The following COL15A1 variants were observed in gnomAD, a reference collection of about 807,000 sequenced individuals.
COL15A1 encodes the protein collagen type XV alpha 1 chain.
A neutral mutation model predicts 165.9 loss-of-function variants in COL15A1; 111 were observed. The ratio of observed to expected loss-of-function variants is 0.67; its 90% CI spans 0.57 to 0.78. COL15A1 has a LOEUF of 0.78. COL15A1 is among the 30% of genes least tolerant of loss of function. COL15A1 has a pLI of 0.00. For synonymous variants in COL15A1, 659 were observed against 674.8 expected, an observed-to-expected ratio of 0.98 and a Z score of 0.36; for missense variants, 1,745 against 1,789.7, an observed-to-expected ratio of 0.98 and a Z score of 0.45.
chr9:99,037,932 G>A (rs1564075457), intron 21 of COL15A1, among the ~76,000 whole-genome samples: 1 of 152,274 alleles, frequency 6.6e-6, no homozygotes, highest in South Asian at 2.1e-4. Flanking sequence ...GGTGTGTGTA[G>A]AGAATGATGG....
rs551752085 is a variant in COL15A1 at position 99,035,033 on chromosome 9, G to T, written c.2099G>T (p.Gly700Val). The T allele has an allele frequency of 6.2e-7, 1 of 1,613,352 alleles. No individual in the cohort carries two copies. The highest frequency in any genetic ancestry group is 1.1e-5 in the South Asian group (1 of 91,082). The part of the protein sequence containing the change: ...VGEKGDPGNR[G>V]LPGPPGKKGQ... ...CTACAGGGTGACCCTGGCAACAGAGGCTTACCTGGACCCCCGGGGAAAAAG... is the reference window on the plus strand; with the variant it reads ...CTACAGGGTGACCCTGGCAACAGAGTCTTACCTGGACCCCCGGGGAAAAAG... The change falls in exon 18 of 42, where the codon GGC becomes GTC. Residue 700 changes from glycine to valine, a missense_variant. Gly to Val is a moderately radical substitution (Grantham distance 109). Coordinates refer to ENST00000375001, the MANE Select transcript of COL15A1 (RefSeq NM_001855.5).
chr9:99,044,314 G>A (rs1041007950), intron 24 of COL15A1, among the ~76,000 whole-genome samples: 7 of 152,154 alleles, frequency 4.6e-5, no homozygotes, highest in East Asian at 1.9e-4. Context: ...GCCTTAGGAC[G>A]GTAACTCTGA....
rs1465150567 is a variant in COL15A1, at chr9:98,944,164, G to A, written c.14G>A (p.Arg5Lys). Reference sequence around the variant, plus strand: ...TCTCCCTCGGGCACATCTTGCAGGAGGAACAACGGGCAGTGCTGGTGTCTG... The same window carrying A: ...TCTCCCTCGGGCACATCTTGCAGGAAGAACAACGGGCAGTGCTGGTGTCTG... MAPRRNNGQCWCLLM... is the reference protein window; with the variant it reads MAPRKNNGQCWCLLM... The change falls in exon 2 of 42, where the codon AGG becomes AAG. Residue 5 changes from arginine to lysine, a missense_variant and splice_region_variant. Transcript: ENST00000375001. The A allele has an allele frequency of 5.6e-6, 9 of 1,614,118 alleles. No homozygotes were observed. The highest frequency in any genetic ancestry group is 1.1e-5 in the South Asian group (1 of 91,074).
At chr9:98,956,223 T>C (rs1837773247) in intron 2 of COL15A1, among the ~76,000 whole-genome samples, 1 of 152,190 alleles carries the variant, frequency 6.6e-6, no homozygotes, top group Non-Finnish European at 1.5e-5. Flanking sequence ...GGAGAATCTC[T>C]TGAGCCCAAG....
chr9:99,068,501 C>G, intron 40 of COL15A1, 54 bp from the exon 41 acceptor site: 1 of 483,404 alleles, frequency 2.1e-6, no homozygotes. Context: ...AAAAATCTAA[C>G]TCATTTGTAG....
chr9:98,979,202 G>A (rs1398564600), intron 2 of COL15A1, among the ~76,000 whole-genome samples: 1 of 152,174 alleles, frequency 6.6e-6, no homozygotes, highest in South Asian at 2.1e-4. Flanking sequence ...TTTCACATAT[G>A]TAACTTTATC....
intron 15 of COL15A1, 99 bp downstream of exon 15, chr9:99,025,098 C>T (rs982572831): frequency 8.2e-6 from 8 of 974,712 alleles, no homozygotes; most frequent in African/African-American, 3.3e-5. Flanking sequence ...GTCCAAGGTT[C>T]GCGATGGGGA....
chr9:98,980,761 T>G (rs528306840), intron 2 of COL15A1, among the ~76,000 whole-genome samples: 2 of 152,248 alleles, frequency 1.3e-5, no homozygotes, highest in Non-Finnish European at 2.9e-5. Flanking sequence ...AAATTTGCTA[T>G]AAAGAAAAAT....
rs150571834 is a variant in COL15A1, at chr9:99,049,722, C to G, written c.2826C>G (p.Pro942=). 4 of 1,614,020 alleles carry G rather than the reference C, an allele frequency of 2.5e-6. No individual in the cohort carries two copies. The highest frequency in any genetic ancestry group is 3.4e-6 in the Non-Finnish European group (4 of 1,180,044). Residue 942 remains proline, a synonymous_variant, in exon 29 of 42, where the codon CCC becomes CCG. Transcript: ENST00000375001. ...GPPGLPGPPG[P]PGPPGAVINI... is the part of the protein sequence containing the mutation. ...CTGGCTTACCTGGCCCTCCAGGCCCCCCTGGGCCACCTGGAGCTGTGATTA... is the reference window on the plus strand; with the variant it reads ...CTGGCTTACCTGGCCCTCCAGGCCCGCCTGGGCCACCTGGAGCTGTGATTA...
At position 99,056,305 on chromosome 9, in the gene COL15A1, G is replaced by A. The variant is rs1825719417; in HGVS notation, c.3238G>A (p.Ala1080Thr). 6.2e-7 allele frequency: 1 copy of A among 1,614,100 alleles called. No individual in the cohort carries two copies. Among genetic ancestry groups the A allele is most frequent in the Non-Finnish European group, 8.5e-7 (1 of 1,180,016 alleles). ...TVVGPQGPPG[A>T]PGLPGPPGFG... ...CGTTGGGCCCCAAGGACCCCCAGGT[G>A]CTCCTGGTCTGCCTGGGCCACCTGG... Residue 1080 changes from alanine (A) to threonine (T), a missense_variant, in exon 35 of 42, where the codon GCT (alanine) becomes ACT (threonine). Transcript: ENST00000375001.
intron 13 of COL15A1, 52 bp downstream of exon 13, chr9:99,022,202 C>A (rs375608448): frequency 1.2e-6 from 2 of 1,610,226 alleles, no homozygotes; most frequent in South Asian, 1.1e-5. Context: ...ACCAGGGATG[C>A]GGCCAAAACA....
intron 26 of COL15A1, among the ~76,000 whole-genome samples, chr9:99,045,022 G>A (rs953998424): frequency 1.3e-5 from 2 of 152,202 alleles, no homozygotes; most frequent in African/African-American, 4.8e-5. Flanking sequence ...TCTCCTCCAA[G>A]AAGTGACTCA....
In COL15A1 at chr9:98,994,066, C is replaced by A. The variant is rs893424147; in HGVS notation, c.805-2868C>A. On this transcript the variant is annotated intron_variant, in intron 5 of 41. Coordinates refer to ENST00000375001, the MANE Select transcript of COL15A1 (RefSeq NM_001855.5). ...TGTTGGAATTAACATCCCTGTGGTT[C>A]TCAGCCCTGGCTGTGCATCAGGGTC... is the stretch of plus-strand genomic sequence containing the variant. Among the ~76,000 whole-genome samples, 3 of 148,348 alleles carry A rather than the reference C, an allele frequency of 2.0e-5. No homozygotes were observed. The East Asian group carries it at 6.0e-4, about 29-fold the overall frequency.
At chr9:99,032,482 A>G (rs1274603796) in intron 16 of COL15A1, among the ~76,000 whole-genome samples, 4 of 152,146 alleles carry the variant, frequency 2.6e-5, no homozygotes, top group Non-Finnish European at 5.9e-5. Flanking sequence ...GCCACCAAGC[A>G]TGGCCAATGT....
chr9:99,012,783 C>T lies in COL15A1; in HGVS notation c.1354-2634C>T, dbSNP rs1381517207. On this transcript the variant is annotated intron_variant, in intron 9 of 41. Coordinates refer to ENST00000375001, the MANE Select transcript of COL15A1 (RefSeq NM_001855.5). ...CTGGAGTGCAATGGTACAATCTCGGCTCACTGCAACCTCCACCTCCTGGGT... is the reference window on the plus strand; with the variant it reads ...CTGGAGTGCAATGGTACAATCTCGGTTCACTGCAACCTCCACCTCCTGGGT... Among the ~76,000 whole-genome samples, 6 of 139,116 alleles carry T rather than the reference C, an allele frequency of 4.3e-5. No individual in the cohort carries two copies. In the Admixed American group the frequency reaches 4.7e-4, roughly 11 times the overall value. The allele number at this position is 139,116 out of a possible 152,430, so 91.3% of individuals were successfully genotyped here.
rs148743706 is a variant in COL15A1 at position 99,024,920 on chromosome 9, G to A, written c.1901G>A (p.Gly634Glu). ...PGPPGLPGIP[G>E]KPGTDVFMGP... is the part of the protein sequence containing the mutation. Reference sequence around the variant, plus strand: ...CCACCTGGCTTACCTGGGATTCCAGGAAAACCAGGAACTGATGTTTTCATG... The same window carrying A: ...CCACCTGGCTTACCTGGGATTCCAGAAAAACCAGGAACTGATGTTTTCATG... The change falls in exon 15 of 42, where the codon GGA becomes GAA. Residue 634 changes from glycine (G) to glutamate (E), a missense_variant. Gly to Glu is a moderately conservative substitution (Grantham distance 98). Coordinates refer to ENST00000375001, the MANE Select transcript of COL15A1 (RefSeq NM_001855.5). 3.1e-6 allele frequency: 5 copies of A among 1,614,078 alleles called. No homozygotes were observed. The highest frequency in any genetic ancestry group is 1.7e-5 in the Admixed American group (1 of 60,022).
chr9:99,068,772 A>C (rs1331508301), intron 41 of COL15A1, 102 bp downstream of exon 41: 2 of 722,692 alleles, frequency 2.8e-6, no homozygotes, highest in Non-Finnish European at 4.5e-6. Context: ...GGATATTGCC[A>C]ACATAAAGCC....
At chr9:99,047,393 G>A (rs576349187) in intron 26 of COL15A1, among the ~76,000 whole-genome samples, 2 of 152,270 alleles carry the variant, frequency 1.3e-5, no homozygotes, top group South Asian at 4.1e-4. Context: ...TCAGAATGGG[G>A]GATGCGATAA....
chr9:98,977,998 C>T (rs74998792), intron 2 of COL15A1, among the ~76,000 whole-genome samples: 2,249 of 152,250 alleles, frequency 0.015, 136 homozygotes, highest in East Asian at 0.098. Context: ...TTGGCCAGGA[C>T]CTGGAGTGGT....
Sources: gnomAD v4.1 joint callset for allele counts (sites outside exome capture counted in the v4.1 genomes callset) on GRCh38, gnomAD v4.1.1 for gene constraint, MANE v1.5 for transcripts, NCBI Gene and HGNC (gene_info 2026-07-23, HGNC 2026-07-21) for gene names.